GOLGA4: variants seen among roughly 807,000 people sequenced by gnomAD.
The protein encoded by GOLGA4 is golgin subfamily A member 4.
In GOLGA4, 169 loss-of-function variants were observed where a neutral mutation model predicts 265.9. The ratio of observed to expected loss-of-function variants is 0.64; its 90% CI spans 0.56 to 0.72. The LOEUF is 0.72. GOLGA4 is among the 30% of genes least tolerant of loss of function. The pLI, the probability that GOLGA4 is intolerant of heterozygous loss-of-function variation, is 0.00. For synonymous variants in GOLGA4, 923 were observed against 855.8 expected (o/e 1.08, Z -1.37); for missense variants, 2,482 against 2,483.4 (o/e 1.00, Z 0.01).
At chr3:37,271,395 T>C (rs2096798269) in intron 2 of GOLGA4, among the ~76,000 whole-genome samples, 1 of 152,226 alleles carries the variant, frequency 6.6e-6, no homozygotes, top group Non-Finnish European at 1.5e-5. Context: ...TAAGGAAATG[T>C]CTTAGACTGA....
At chr3:37,303,841 T>G (rs543598807) in intron 10 of GOLGA4, among the ~76,000 whole-genome samples, 9 of 152,370 alleles carry the variant, frequency 5.9e-5, no homozygotes, top group African/African-American at 1.9e-4. Flanking sequence ...TTACTTACTT[T>G]AGTAATGCTC....
intron 2 of GOLGA4, among the ~76,000 whole-genome samples, chr3:37,277,855 C>T (rs1267943531): frequency 6.6e-5 from 10 of 151,920 alleles, no homozygotes; most frequent in Admixed American, 5.2e-4. Context: ...GTCAGGCACC[C>T]GTAGAAAGAC....
At chr3:37,313,853 G>A (rs919944797) in intron 10 of GOLGA4, among the ~76,000 whole-genome samples, 3 of 152,130 alleles carry the variant, frequency 2.0e-5, no homozygotes, top group Non-Finnish European at 4.4e-5. Context: ...ATTATTAAGT[G>A]GAGGAGTGTA....
chr3:37,283,897 TAGA>T (rs770089462), intron 3 of GOLGA4, among the ~76,000 whole-genome samples: 1 of 152,336 alleles, frequency 6.6e-6, no homozygotes, highest in Middle Eastern at 3.4e-3. Flanking sequence ...CTCAGTTTTG[TAGA>T]AGAAGGATTG....
chr3:37,314,682 C>CACACACAT (rs148252805), intron 10 of GOLGA4, among the ~76,000 whole-genome samples: 4 of 142,692 alleles, frequency 2.8e-5, no homozygotes, highest in South Asian at 2.4e-4. Context: ...CACACACACA[C>CACACACAT]GAAAAAAACC....
chr3:37,281,377 C>T (rs1443449469), intron 2 of GOLGA4, among the ~76,000 whole-genome samples: 1 of 152,104 alleles, frequency 6.6e-6, no homozygotes, highest in Non-Finnish European at 1.5e-5. Flanking sequence ...AACTCTGCCT[C>T]ACATTCCCTT....
At chr3:37,342,547 T>G (rs189716253) in intron 20 of GOLGA4, among the ~76,000 whole-genome samples, 3 of 152,324 alleles carry the variant, frequency 2.0e-5, no homozygotes, top group Admixed American at 6.5e-5. Context: ...ATATTTTGTT[T>G]AGATTTTGTT....
At position 37,319,469 on chromosome 3, in the gene GOLGA4, G is replaced by A. The variant is rs576819792; in HGVS notation, c.1545+275G>A. 38 of 180,528 alleles carry A rather than the reference G, an allele frequency of 2.1e-4. No individual in the cohort carries two copies. The South Asian group carries it at 2.7e-3, about 13-fold the overall frequency. The allele number at this position is 180,528 out of a possible 1,614,324, so 11.2% of individuals were successfully genotyped here. A position where few individuals can be genotyped will look rare whatever the true frequency, so the allele number is the denominator to read the frequency against. ...GAGTGCAGTGGTGAGATCTTGGCTC[G>A]CTGTAACCTCCATAATCTCCATCTC... On this transcript the variant is annotated intron_variant, in intron 12 of 23. Transcript: ENST00000361924.
At chr3:37,243,680 G>C (rs1578300623) in intron 1 of GOLGA4, 58 bp downstream of exon 1, 10 of 1,397,468 alleles carry the variant, frequency 7.2e-6, no homozygotes, top group Non-Finnish European at 1.0e-5. Context: ...CCGGCCCGCG[G>C]ACGAAAGAGG....
At chr3:37,322,268 C>T (rs1201306970) in intron 13 of GOLGA4, among the ~76,000 whole-genome samples, 3 of 152,186 alleles carry the variant, frequency 2.0e-5, no homozygotes, top group Non-Finnish European at 4.4e-5. Context: ...GAACGTAATC[C>T]AGCCTCTGCT....
rs2096836702 is a variant in GOLGA4 at position 37,282,214 on chromosome 3, T to C, written c.419T>C (p.Ile140Thr). 2.5e-6 allele frequency: 4 copies of C among 1,614,034 alleles called. No homozygotes were observed. In the East Asian group the frequency reaches 8.9e-5, roughly 36 times the overall value. The change falls in exon 3 of 24, where the codon ATT becomes ACT. Residue 140 changes from isoleucine to threonine, a missense_variant. Transcript: ENST00000361924. The stretch of plus-strand genomic sequence containing the variant: ...GACAGTCTCAACAAAGAACAGTTGA[T>C]TCAGCGGTTGCGAAGAATGGAACGA... ...NSDSLNKEQL[I>T]QRLRRMERSL...
intron 5 of GOLGA4, among the ~76,000 whole-genome samples, chr3:37,290,940 T>C (rs981291133): frequency 6.6e-6 from 1 of 152,214 alleles, no homozygotes; most frequent in Non-Finnish European, 1.5e-5. Flanking sequence ...CCAAAAGATT[T>C]TTCTGTTAAG....
intron 3 of GOLGA4, among the ~76,000 whole-genome samples, chr3:37,283,360 ATTT>A (rs917298097): frequency 1.3e-5 from 2 of 152,094 alleles, no homozygotes; most frequent in Non-Finnish European, 2.9e-5. Flanking sequence ...TTTCCTTTAA[ATTT>A]TTTTAACTTT....
At chr3:37,265,320 C>G (rs1443734395) in intron 2 of GOLGA4, among the ~76,000 whole-genome samples, 1 of 152,114 alleles carries the variant, frequency 6.6e-6, no homozygotes, top group African/African-American at 2.4e-5. Flanking sequence ...ACCAGAAGCA[C>G]TAGTGTAACA....
intron 23 of GOLGA4, 112 bp downstream of exon 23, chr3:37,361,417 C>A: frequency 1.5e-6 from 1 of 667,376 alleles, no homozygotes; most frequent in Non-Finnish European, 2.6e-6. Context: ...TATGATTATG[C>A]TATGGGTTAA....
At chr3:37,301,557 T>G (rs952899359) in intron 9 of GOLGA4, among the ~76,000 whole-genome samples, 14 of 152,226 alleles carry the variant, frequency 9.2e-5, no homozygotes, top group South Asian at 6.2e-4. Flanking sequence ...ATAAACTGTT[T>G]ACTAAGACAG....
In GOLGA4 at chr3:37,327,084, C is replaced by T. The variant is rs1357405059; in HGVS notation, c.5198C>T (p.Thr1733Ile). The T allele has an allele frequency of 2.5e-6, 4 of 1,613,442 alleles. No homozygotes were observed. The highest frequency in any genetic ancestry group is 3.4e-6 in the Non-Finnish European group (4 of 1,179,752). The change falls in exon 14 of 24, where the codon ACA (threonine) becomes ATA (isoleucine). Residue 1733 changes from threonine to isoleucine, a missense_variant. Thr to Ile is a moderately conservative substitution (Grantham distance 89). Around this residue, in one of 3 missense-constraint regions of GOLGA4, gnomAD observed 942 missense variants for 983.1 expected, o/e 0.96. Coordinates refer to ENST00000361924, the MANE Select transcript of GOLGA4 (RefSeq NM_002078.5). ...EADSQGCVQK[T>I]YEEKISVLQR... The stretch of plus-strand genomic sequence containing the variant: ...GATTCCCAAGGCTGTGTGCAGAAGA[C>T]ATATGAAGAAAAAATCAGTGTTTTA...
chr3:37,293,064 T>G (rs372569291), intron 5 of GOLGA4, among the ~76,000 whole-genome samples: 31 of 152,322 alleles, frequency 2.0e-4, no homozygotes, highest in African/African-American at 7.0e-4. Flanking sequence ...AAGAGGGAGT[T>G]GCTTATAATT....
At chr3:37,257,874 G>T (rs2096753076) in intron 2 of GOLGA4, among the ~76,000 whole-genome samples, 1 of 134,358 alleles carries the variant, frequency 7.4e-6, no homozygotes, top group Non-Finnish European at 1.6e-5. Context: ...TCCAGAATTA[G>T]GTGTGTTTTC....
Sources: allele counts gnomAD v4.1 joint callset (sites outside exome capture counted in the v4.1 genomes callset), GRCh38; gene constraint gnomAD v4.1.1; regional missense constraint gnomAD v4.1.1; transcripts MANE v1.5; gene names NCBI Gene and HGNC (gene_info 2026-07-23, HGNC 2026-07-21).